Variants in CNTN4 observed in about 807,000 individuals in gnomAD.
CNTN4 encodes contactin 4.
Under a neutral mutation model 122.5 loss-of-function variants are expected in CNTN4, and 77 were observed. That is an observed-to-expected ratio of 0.63 (90% CI 0.52 to 0.76). CNTN4 has a LOEUF of 0.76. CNTN4 is among the 30% of genes least tolerant of loss of function. CNTN4 has a pLI of 0.00. For missense variants in CNTN4, 1,256 were observed against 1,259.1 expected (o/e 1.00, Z 0.04); for synonymous variants, 512 against 447.0 (o/e 1.15, Z -1.83).
At chr3:2,365,800 C>A (rs1182257728) in intron 3 of CNTN4, among the ~76,000 whole-genome samples, 1 of 152,172 alleles carries the variant, frequency 6.6e-6, no homozygotes, top group African/African-American at 2.4e-5. Flanking sequence ...AGTTTAAAAA[C>A]AGTGACCTAT....
At chr3:2,575,966 C>G (rs987416209) in intron 4 of CNTN4, among the ~76,000 whole-genome samples, 5 of 151,766 alleles carry the variant, frequency 3.3e-5, no homozygotes, top group East Asian at 1.9e-4. Flanking sequence ...TTCCAAGTAG[C>G]TGGGACTACA....
At chr3:2,775,689 G>C (rs1394979347) in intron 6 of CNTN4, among the ~76,000 whole-genome samples, 4 of 152,134 alleles carry the variant, frequency 2.6e-5, no homozygotes, top group African/African-American at 9.7e-5. Context: ...CCAAACTGCT[G>C]AGATGACAGA....
intron 2 of CNTN4, among the ~76,000 whole-genome samples, chr3:2,315,113 TATAGGACAGTTCACAGAATTAAA>T (rs1241612639): frequency 6.6e-6 from 1 of 152,090 alleles, no homozygotes; most frequent in Non-Finnish European, 1.5e-5. Flanking sequence ...ATTGGAAATG[TATAGGACAGTTCACAGAATTAAA>T]AGAATTAGCT....
rs527965892 is a variant in CNTN4 at position 2,974,330 on chromosome 3, T to C, written c.1359-14015T>C. On this transcript the variant is annotated intron_variant, in intron 13 of 24. Transcript: ENST00000418658. ...AAACATTTAAAAAATATTGTGACTA[T>C]TGGTTATTAGAATGATACTGAAAAT... is the stretch of plus-strand genomic sequence containing the variant. Among the ~76,000 whole-genome samples the C allele has an allele frequency of 3.9e-5, 6 of 152,344 alleles. 1 individual carries two copies. The highest frequency in any genetic ancestry group is 1.4e-4 in the African/African-American group (6 of 41,588).
chr3:2,717,562 A>G (rs2087572569), intron 4 of CNTN4, among the ~76,000 whole-genome samples: 1 of 152,084 alleles, frequency 6.6e-6, no homozygotes, highest in South Asian at 2.1e-4. Context: ...TTACATTATG[A>G]TCTAATAAGT....
intron 6 of CNTN4, among the ~76,000 whole-genome samples, chr3:2,759,124 A>G (rs1177616135): frequency 6.6e-6 from 1 of 152,124 alleles, no homozygotes; most frequent in Non-Finnish European, 1.5e-5. Flanking sequence ...AGCAAGGTTC[A>G]TCTGTGTCGT....
chr3:2,781,952 TG>T (rs1559497646), intron 6 of CNTN4, among the ~76,000 whole-genome samples: 1 of 149,548 alleles, frequency 6.7e-6, no homozygotes, highest in East Asian at 2.0e-4. Flanking sequence ...CTCGATCTCC[TG>T]ACCTCGTGAT....
chr3:2,910,605 C>G (rs1185213298), intron 12 of CNTN4, among the ~76,000 whole-genome samples: 1 of 152,142 alleles, frequency 6.6e-6, no homozygotes, highest in South Asian at 2.1e-4. Flanking sequence ...TGTTTTCTAC[C>G]CTTCCCCTGT....
At chr3:2,916,460 C>G (rs1206880475) in intron 12 of CNTN4, among the ~76,000 whole-genome samples, 2 of 149,574 alleles carry the variant, frequency 1.3e-5, no homozygotes, top group Non-Finnish European at 3.0e-5. Flanking sequence ...TTGCACCGCC[C>G]TTAATCCATT....
Position 2,883,264 on chromosome 3 carries a change from G to C in CNTN4, c.755+17G>C, listed in dbSNP as rs141795297. Reference sequence around the variant, plus strand: ...TTTAGGAAAGTAAGTTCTGGTTTGCGTTCCTTCTCATCCTCCCTTCAGCTT... The same window carrying C: ...TTTAGGAAAGTAAGTTCTGGTTTGCCTTCCTTCTCATCCTCCCTTCAGCTT... On this transcript the variant is annotated intron_variant, in intron 9 of 24. Coordinates refer to ENST00000418658, the MANE Select transcript of CNTN4 (RefSeq NM_175607.3). 6.3e-7 allele frequency: 1 copy of C among 1,582,274 alleles called. No homozygotes were observed. The highest frequency in any genetic ancestry group is 1.1e-5 in the South Asian group (1 of 89,756).
At chr3:2,165,546 T>C (rs961640763) in intron 2 of CNTN4, among the ~76,000 whole-genome samples, 3 of 152,160 alleles carry the variant, frequency 2.0e-5, no homozygotes, top group African/African-American at 7.2e-5. Flanking sequence ...ACTTAAGACG[T>C]ACTCTCTTTG....
At chr3:2,506,662 G>A (rs1290256864) in intron 3 of CNTN4, among the ~76,000 whole-genome samples, 1 of 152,172 alleles carries the variant, frequency 6.6e-6, no homozygotes, top group Non-Finnish European at 1.5e-5. Context: ...TCTATTTCAG[G>A]AGTAAGATCA....
At chr3:2,740,002 C>T (rs2089366274) in intron 5 of CNTN4, among the ~76,000 whole-genome samples, 2 of 152,110 alleles carry the variant, frequency 1.3e-5, no homozygotes, top group Non-Finnish European at 2.9e-5. Context: ...TGAAAGTGGT[C>T]GTCTTGTACC....
At chr3:2,736,367 T>G in intron 5 of CNTN4, 26 bp downstream of exon 5, 1 of 1,606,134 alleles carries the variant, frequency 6.2e-7, no homozygotes, top group South Asian at 1.1e-5. Flanking sequence ...AGCATGTGTT[T>G]CCATGCATAT....
chr3:2,394,213 A>G (rs752428084), intron 3 of CNTN4, among the ~76,000 whole-genome samples: 4 of 152,086 alleles, frequency 2.6e-5, no homozygotes, highest in Admixed American at 1.3e-4. Context: ...AATAGCATCA[A>G]TCCAGAGTAA....
intron 14 of CNTN4, among the ~76,000 whole-genome samples, chr3:3,004,175 G>A (rs1696365822): frequency 6.6e-6 from 1 of 151,874 alleles, no homozygotes. Context: ...AAGAATGAAT[G>A]AAGACAAAAA....
At chr3:2,187,386 G>A (rs531890443) in intron 2 of CNTN4, among the ~76,000 whole-genome samples, 6 of 152,158 alleles carry the variant, frequency 3.9e-5, no homozygotes, top group Non-Finnish European at 7.4e-5. Context: ...TGTTCTTTTG[G>A]CTTAGGATTG....
chr3:2,962,424 T>A (rs1559724409), intron 13 of CNTN4, among the ~76,000 whole-genome samples: 1 of 152,232 alleles, frequency 6.6e-6, no homozygotes, highest in African/African-American at 2.4e-5. Flanking sequence ...TGGGTTGCAG[T>A]TAACCAAAAT....
rs1322146330 is a variant in CNTN4, at chr3:2,903,022, G to C, written c.1207+17G>C. 2.5e-6 allele frequency: 4 copies of C among 1,610,908 alleles called. No homozygotes were observed. The East Asian group carries it at 8.9e-5, about 36-fold the overall frequency. On this transcript the variant is annotated intron_variant, in intron 12 of 24. Transcript: ENST00000418658. ...GTGTTATAGGTGAGTCTTTATACTGGCAAGAAAAAAAAATTAAAACTCTTT... is the reference window on the plus strand; with the variant it reads ...GTGTTATAGGTGAGTCTTTATACTGCCAAGAAAAAAAAATTAAAACTCTTT...
Sources: gnomAD v4.1 joint callset for allele counts (sites outside exome capture counted in the v4.1 genomes callset) on GRCh38, gnomAD v4.1.1 for gene constraint, MANE v1.5 for transcripts, NCBI Gene and HGNC (gene_info 2026-07-23, HGNC 2026-07-21) for gene names.